Variants in KAT2B observed in about 807,000 individuals in gnomAD.
KAT2B encodes lysine acetyltransferase 2B.
In KAT2B, 36 loss-of-function variants were observed where a neutral mutation model predicts 105.9. That is an observed-to-expected ratio of 0.34 (90% CI 0.26 to 0.45). The LOEUF (loss-of-function observed/expected upper bound fraction) is 0.45, where lower values mean the gene tolerates loss of function less well. Among genes scored for constraint, KAT2B ranks in the 20% least tolerant of loss-of-function variants. KAT2B has a pLI of 1.00. For synonymous variants in KAT2B, 397 were observed against 377.9 expected, an observed-to-expected ratio of 1.05 and a Z score of -0.59; for missense variants, 820 against 1,021.6, an observed-to-expected ratio of 0.80 and a Z score of 2.69.
chr3:20,053,369 C>G (rs1392082173), intron 1 of KAT2B, among the ~76,000 whole-genome samples: 1 of 152,104 alleles, frequency 6.6e-6, no homozygotes, highest in Non-Finnish European at 1.5e-5. Context: ...GACCCCATCT[C>G]TATAAAAATA....
At chr3:20,106,788 C>T (rs1483857078) in intron 5 of KAT2B, among the ~76,000 whole-genome samples, 1 of 150,742 alleles carries the variant, frequency 6.6e-6, no homozygotes, top group African/African-American at 2.4e-5. Flanking sequence ...GTCTTAGAGC[C>T]TTAGACGTTT....
chr3:20,075,901 C>G (rs1698410094), intron 2 of KAT2B, among the ~76,000 whole-genome samples: 1 of 134,930 alleles, frequency 7.4e-6, no homozygotes, highest in Non-Finnish European at 1.6e-5. Flanking sequence ...AGCGAGACTC[C>G]CATCTCAAAA....
chr3:20,073,912 ATCTTCTTTC>A (rs1187547105), intron 2 of KAT2B, among the ~76,000 whole-genome samples: 1 of 152,204 alleles, frequency 6.6e-6, no homozygotes, highest in African/African-American at 2.4e-5. Context: ...TTAAAACAGG[ATCTTCTTTC>A]TTTCTTAGCC....
intron 2 of KAT2B, among the ~76,000 whole-genome samples, chr3:20,089,172 C>T (rs1698670955): frequency 6.6e-6 from 1 of 151,928 alleles, no homozygotes; most frequent in African/African-American, 2.4e-5. Context: ...GATGACTCTG[C>T]CTTTGTTCTT....
rs1162774233 is a variant in KAT2B at position 20,061,762 on chromosome 3, TAAA to T, written c.304-10568_304-10566del. 2.7e-3 allele frequency among the ~76,000 whole-genome samples: 384 copies of T among 143,792 alleles called. 2 individuals carry two copies. Among genetic ancestry groups the T allele is most frequent in the Non-Finnish European group, 4.9e-3 (323 of 66,364 alleles). 94.3% of individuals were successfully genotyped at this position (143,792 alleles called of 152,430 possible). A position where few individuals can be genotyped will look rare whatever the true frequency, so the allele number is the denominator to read the frequency against. ...TATATATGAAAAAATATATTATACA[TAAA>T]AATATATAATTTATAATACATAAAA... On this transcript the variant is annotated intron_variant, in intron 1 of 17. Coordinates refer to ENST00000263754, the MANE Select transcript of KAT2B (RefSeq NM_003884.5).
chr3:20,074,459 T>G (rs1698382860), intron 2 of KAT2B, among the ~76,000 whole-genome samples: 1 of 152,218 alleles, frequency 6.6e-6, no homozygotes, highest in South Asian at 2.1e-4. Flanking sequence ...GTATTTACCT[T>G]GCAGGATCAT....
rs530928397 is a variant in KAT2B at position 20,152,568 on chromosome 3, G to A, written c.*43G>A. The stretch of plus-strand genomic sequence containing the variant: ...TTCTTAGAAACTCACCAAGCAGTGT[G>A]CCTAAAGCAAGGTGGTTTAGTTTTT... On this transcript the variant is annotated 3_prime_UTR_variant, in exon 18 of 18. Coordinates refer to ENST00000263754, the MANE Select transcript of KAT2B (RefSeq NM_003884.5). 21 of 1,509,102 alleles carry A rather than the reference G, an allele frequency of 1.4e-5. No individual in the cohort carries two copies. In the African/African-American group the frequency reaches 2.1e-4, roughly 15 times the overall value. The allele number at this position is 1,509,102 out of a possible 1,614,324, so 93.5% of individuals were successfully genotyped here. A position where few individuals can be genotyped will look rare whatever the true frequency, so the allele number is the denominator to read the frequency against.
chr3:20,047,630 C>T (rs1241247355), intron 1 of KAT2B, among the ~76,000 whole-genome samples: 1 of 109,022 alleles, frequency 9.2e-6, no homozygotes, highest in African/African-American at 3.4e-5. Context: ...TTTTTTGAGA[C>T]GGAGCCTCAC....
At chr3:20,067,065 G>T (rs1288048262) in intron 1 of KAT2B, among the ~76,000 whole-genome samples, 1 of 152,058 alleles carries the variant, frequency 6.6e-6, no homozygotes, top group East Asian at 1.9e-4. Flanking sequence ...ACCCCATGTT[G>T]TCTCCCTCTC....
intron 11 of KAT2B, among the ~76,000 whole-genome samples, chr3:20,130,470 T>A (rs1263668700): frequency 1.3e-5 from 2 of 152,238 alleles, no homozygotes. Context: ...TTGGCTTTTC[T>A]TAGGGTGAAG....
At chr3:20,127,660 G>A in intron 11 of KAT2B, 111 bp downstream of exon 11, 1 of 1,043,166 alleles carries the variant, frequency 9.6e-7, no homozygotes, top group Non-Finnish European at 1.4e-6. Flanking sequence ...GGTTCAAAGT[G>A]GAGTTAAGGA....
chr3:20,150,272 G>A (rs1157330724), intron 17 of KAT2B, among the ~76,000 whole-genome samples: 1 of 152,100 alleles, frequency 6.6e-6, no homozygotes, highest in African/African-American at 2.4e-5. Context: ...ATTTAGTCTT[G>A]TCCCCAAGAT....
At chr3:20,044,976 G>C (rs1697782601) in intron 1 of KAT2B, among the ~76,000 whole-genome samples, 1 of 152,144 alleles carries the variant, frequency 6.6e-6, no homozygotes, top group Non-Finnish European at 1.5e-5. Flanking sequence ...ATATAGGACA[G>C]TTCTAGGTGT....
chr3:20,103,312 A>G lies in KAT2B; in HGVS notation c.851+1844A>G, dbSNP rs1415954639. On this transcript the variant is annotated intron_variant, in intron 5 of 17. Coordinates refer to ENST00000263754, the MANE Select transcript of KAT2B (RefSeq NM_003884.5). ...TTGTCAAAGCCAGGGCCCTGAATGC[A>G]TTTGCGACTTTTAGCAGAGAAAATA... Among the ~76,000 whole-genome samples, 8 of 152,336 alleles carry G rather than the reference A, an allele frequency of 5.3e-5. No homozygotes were observed. In the Middle Eastern group the frequency reaches 0.017, roughly 324 times the overall value.
chr3:20,065,748 C>CAT (rs151252906), intron 1 of KAT2B, among the ~76,000 whole-genome samples: 12,400 of 152,026 alleles, frequency 0.082, 912 homozygotes, highest in East Asian at 0.32. Flanking sequence ...AAGGGATTCT[C>CAT]ATATATATCA....
chr3:20,095,209 A>T, intron 2 of KAT2B, 54 bp from the exon 3 acceptor site: 1 of 1,455,152 alleles, frequency 6.9e-7, no homozygotes, highest in Admixed American at 1.8e-5. Context: ...AAAAATGGGG[A>T]ATGTTTGGTT....
intron 1 of KAT2B, among the ~76,000 whole-genome samples, chr3:20,051,469 G>C (rs74414301): frequency 6.6e-6 from 1 of 152,168 alleles, no homozygotes; most frequent in African/African-American, 2.4e-5. Context: ...GTTGCTATAC[G>C]TTGTAGTCGG....
chr3:20,137,133 C>T, intron 12 of KAT2B, 81 bp downstream of exon 12: 2 of 732,382 alleles, frequency 2.7e-6, no homozygotes, highest in South Asian at 3.3e-5. Flanking sequence ...AAATAAGTTT[C>T]TCCCCCAGTG....
At chr3:20,110,954 T>C (rs1699111394) in intron 5 of KAT2B, among the ~76,000 whole-genome samples, 1 of 152,130 alleles carries the variant, frequency 6.6e-6, no homozygotes, top group South Asian at 2.1e-4. Context: ...AGCTTAATAC[T>C]TCCTACATTT....
Sources: allele counts gnomAD v4.1 joint callset (sites outside exome capture counted in the v4.1 genomes callset), GRCh38; gene constraint gnomAD v4.1.1; transcripts MANE v1.5; gene names NCBI Gene and HGNC (gene_info 2026-07-23, HGNC 2026-07-21).